Variants in GTPBP4 observed in about 807,000 individuals in gnomAD.
GTPBP4 encodes the protein GTP binding protein 4.
A neutral mutation model predicts 81.7 loss-of-function variants in GTPBP4; 15 were observed. The ratio of observed to expected loss-of-function variants is 0.18; its 90% CI spans 0.12 to 0.28. GTPBP4 has a LOEUF of 0.28. Among genes scored for constraint, GTPBP4 ranks in the 10% least tolerant of loss-of-function variants. The pLI is 1.00. For synonymous variants in GTPBP4, 272 were observed against 274.6 expected (o/e 0.99, Z 0.09); for missense variants, 847 against 793.8 (o/e 1.07, Z -0.81).
At chr10:1,004,215 C>T (rs970006830) in intron 8 of GTPBP4, among the ~76,000 whole-genome samples, 2 of 152,128 alleles carry the variant, frequency 1.3e-5, no homozygotes, top group African/African-American at 4.8e-5. Flanking sequence ...GTATCCCAGA[C>T]TCTCTGATGC....
chr10:1,015,959 C>A, intron 16 of GTPBP4, 63 bp downstream of exon 16: 1 of 1,416,082 alleles, frequency 7.1e-7, no homozygotes, highest in Non-Finnish European at 9.8e-7. Context: ...GCACAGGGTT[C>A]AGGGCAAACA....
chr10:1,007,121 A>G lies in GTPBP4; in HGVS notation c.1106A>G (p.Asp369Gly). 1.3e-6 allele frequency: 2 copies of G among 1,566,734 alleles called. No homozygotes were observed. Among genetic ancestry groups the G allele is most frequent in the Middle Eastern group, 3.4e-4 (2 of 5,970 alleles). The change falls in exon 10 of 17, where the codon GAC becomes GGC. Residue 369 changes from aspartate (D) to glycine (G), a missense_variant. Transcript: ENST00000360803. ...CACCTGGCTATCCCAACCAGGAGGG[A>G]CGATAAGGTAAGACGGCCCCTGGGA... ...RLHLAIPTRR[D>G]DKERPPFIPE...
chr10:992,734 T>C, intron 2 of GTPBP4, 75 bp downstream of exon 2: 1 of 829,566 alleles, frequency 1.2e-6, no homozygotes, highest in Non-Finnish European at 1.9e-6. Flanking sequence ...CAGTTTGGTG[T>C]ACTCATTTGA....
chr10:1,004,741 C>A (rs1177268834), intron 8 of GTPBP4, among the ~76,000 whole-genome samples: 2 of 152,142 alleles, frequency 1.3e-5, no homozygotes, highest in African/African-American at 4.8e-5. Context: ...CCACCAAGCC[C>A]TGCTGGGAAG....
chr10:990,703 G>A (rs554808634), intron 1 of GTPBP4, among the ~76,000 whole-genome samples: 5 of 129,530 alleles, frequency 3.9e-5, no homozygotes, highest in Non-Finnish European at 7.9e-5. Flanking sequence ...ACTCCAGCCT[G>A]GGCAACAGAG....
chr10:1,012,831 T>G (rs751036083), intron 14 of GTPBP4, among the ~76,000 whole-genome samples, 169 bp downstream of exon 14: 21 of 152,220 alleles, frequency 1.4e-4, no homozygotes, highest in Non-Finnish European at 2.9e-4. Flanking sequence ...ATCTTTTATA[T>G]TCTTTACTGC....
At chr10:1,014,951 C>T (rs996472979) in intron 15 of GTPBP4, among the ~76,000 whole-genome samples, 8 of 152,038 alleles carry the variant, frequency 5.3e-5, no homozygotes, top group Admixed American at 4.6e-4. Flanking sequence ...AGACCCTGTC[C>T]TCTAGATGTG....
In GTPBP4 at chr10:1,017,963, T is replaced by C. The variant is rs1832019931; in HGVS notation, c.*736T>C. ...TGGGGAGCGTTGGGGTGAAGAGCTG[T>C]GGGGTCGGAGGGACCTGCCCAGGGG... On this transcript the variant is annotated 3_prime_UTR_variant, in exon 17 of 17. Coordinates refer to ENST00000360803, the MANE Select transcript of GTPBP4 (RefSeq NM_012341.3). 2 of 152,154 alleles carry C rather than the reference T, an allele frequency of 1.3e-5. No individual in the cohort carries two copies. Among genetic ancestry groups the C allele is most frequent in the Non-Finnish European group, 2.9e-5 (2 of 68,040 alleles). The allele number at this position is 152,154 out of a possible 1,614,324, so 9.4% of individuals were successfully genotyped here. A position where few individuals can be genotyped will look rare whatever the true frequency, so the allele number is the denominator to read the frequency against.
chr10:996,767 A>T (rs1048200531), intron 4 of GTPBP4: 13 of 168,048 alleles, frequency 7.7e-5, no homozygotes, highest in African/African-American at 2.9e-4. Flanking sequence ...TGTGGTCTTC[A>T]TGATGGCCGG....
intron 5 of GTPBP4, among the ~76,000 whole-genome samples, 155 bp from the exon 6 acceptor site, chr10:998,848 A>T (rs1051745201): frequency 6.6e-6 from 1 of 152,122 alleles, no homozygotes; most frequent in African/African-American, 2.4e-5. Flanking sequence ...TGGTGGTGCA[A>T]AGGGAGAGGT....
chr10:995,962 A>G lies in GTPBP4; in HGVS notation c.253A>G (p.Ile85Val), dbSNP rs1181512836. ...IHPFYADLMN[I>V]LYDKDHYKLA... Reference sequence around the variant, plus strand: ...TCCGTTCTATGCTGATTTGATGAATATTCTCTACGACAAGGATCATTACAA... The same window carrying G: ...TCCGTTCTATGCTGATTTGATGAATGTTCTCTACGACAAGGATCATTACAA... Residue 85 changes from isoleucine to valine, a missense_variant, in exon 3 of 17, where the codon ATT (isoleucine) becomes GTT (valine). This residue lies in a region of GTPBP4 where 241 missense variants were observed against 216.3 expected (regional missense o/e 1.11). Transcript: ENST00000360803. 1.2e-6 allele frequency: 2 copies of G among 1,611,188 alleles called. No homozygotes were observed. The highest frequency in any genetic ancestry group is 1.7e-6 in the Non-Finnish European group (2 of 1,177,306).
Position 1,009,021 on chromosome 10 carries a change from T to C in GTPBP4, c.1177T>C (p.Ser393Pro). 1.2e-6 allele frequency: 2 copies of C among 1,610,152 alleles called. No individual in the cohort carries two copies. The highest frequency in any genetic ancestry group is 1.1e-5 in the South Asian group (1 of 90,964). The change falls in exon 11 of 17, where the codon TCC becomes CCC. Residue 393 changes from serine (S) to proline (P), a missense_variant. Coordinates refer to ENST00000360803, the MANE Select transcript of GTPBP4 (RefSeq NM_012341.3). Reference protein sequence around the residue: ...ARRKRMETEESRKKRERDLEL... With the variant: ...ARRKRMETEEPRKKRERDLEL... ...CAGGAAGAGGATGGAAACTGAGGAG[T>C]CCAGGAAGAAGAGGGTATGCTGCCG...
intron 1 of GTPBP4, 23 bp from the exon 2 acceptor site, chr10:992,466 T>C (rs747835120): frequency 6.8e-7 from 1 of 1,468,536 alleles, no homozygotes; most frequent in Admixed American, 1.8e-5. Flanking sequence ...GATGTAATTA[T>C]GTTTTATTTT....
chr10:996,619 ACTTG>A (rs947607540), intron 4 of GTPBP4: 1 of 162,680 alleles, frequency 6.1e-6, no homozygotes, highest in Non-Finnish European at 1.3e-5. Context: ...TGAAACAATT[ACTTG>A]CTTATTGTGT....
Position 992,672 on chromosome 10 carries a change from G to A in GTPBP4, c.219+13G>A. On this transcript the variant is annotated intron_variant, in intron 2 of 16. Coordinates refer to ENST00000360803, the MANE Select transcript of GTPBP4 (RefSeq NM_012341.3). ...CCCCAAATTGGATGTAAGTGACTTA[G>A]GGGACTTCTGTGGTTATGTAAATAC... 6.4e-7 allele frequency: 1 copy of A among 1,554,686 alleles called. No individual in the cohort carries two copies. Among genetic ancestry groups the A allele is most frequent in the Admixed American group, 1.7e-5 (1 of 58,614 alleles).
intron 8 of GTPBP4, among the ~76,000 whole-genome samples, chr10:1,003,273 A>G (rs988039730): frequency 9.9e-5 from 15 of 152,086 alleles, no homozygotes; most frequent in African/African-American, 3.4e-4. Context: ...TCTCAGTTTA[A>G]GTTCTTGTTC....
At position 1,015,827 on chromosome 10, in the gene GTPBP4, G is replaced by C. The variant is rs2306405; in HGVS notation, c.1683G>C (p.Pro561=). 6.2e-7 allele frequency: 1 copy of C among 1,613,682 alleles called. No homozygotes were observed. Among genetic ancestry groups the C allele is most frequent in the Admixed American group, 1.7e-5 (1 of 60,012 alleles). The change falls in exon 16 of 17, where the codon CCG becomes CCC. Residue 561 remains proline, a synonymous_variant. Transcript: ENST00000360803. ...RKRKREDSAP[P]SSVARSGSCS... ...GAAAGCGGGAAGACTCTGCTCCCCC[G>C]TCCTCTGTGGCCCGGAGTGGGAGTT... is the stretch of plus-strand genomic sequence containing the variant.
At chr10:988,643 G>A (rs943538674) in intron 1 of GTPBP4, 116 bp downstream of exon 1, 18 of 767,148 alleles carry the variant, frequency 2.3e-5, no homozygotes, top group African/African-American at 6.8e-5. Flanking sequence ...CCCATCCCCC[G>A]CTCCTGGGCC....
At position 1,014,265 on chromosome 10, in the gene GTPBP4, G is replaced by A; in HGVS notation, c.1561G>A (p.Glu521Lys). The change falls in exon 15 of 17, where the codon GAG becomes AAG. Residue 521 changes from glutamate (E) to lysine (K), a missense_variant. Glu to Lys is a moderately conservative substitution (Grantham distance 56, BLOSUM62 1). Around this residue, in one of 3 missense-constraint regions of GTPBP4, gnomAD observed 600 missense variants for 557.1 expected, o/e 1.08. Coordinates refer to ENST00000360803, the MANE Select transcript of GTPBP4 (RefSeq NM_012341.3). The stretch of plus-strand genomic sequence containing the variant: ...TTCTCAGGTTCAGAGGACAGTTTTG[G>A]AGAAGGAGATGCGTAGTCTTGGTGT... ...TAKKVQRTVL[E>K]KEMRSLGVDM... The A allele has an allele frequency of 6.2e-7, 1 of 1,605,048 alleles. No individual in the cohort carries two copies. The highest frequency in any genetic ancestry group is 8.5e-7 in the Non-Finnish European group (1 of 1,172,058).
Sources: allele counts gnomAD v4.1 joint callset (sites outside exome capture counted in the v4.1 genomes callset), GRCh38; gene constraint gnomAD v4.1.1; regional missense constraint gnomAD v4.1.1; transcripts MANE v1.5; gene names NCBI Gene and HGNC (gene_info 2026-07-23, HGNC 2026-07-21).